Variants in UBE2E3 observed in about 807,000 individuals in gnomAD.
The protein encoded by UBE2E3 is ubiquitin conjugating enzyme E2 E3.
A neutral mutation model predicts 23.6 loss-of-function variants in UBE2E3; 5 were observed. The observed-to-expected ratio is 0.21, with a 90% CI of 0.11 to 0.44. The LOEUF is 0.44. Ranked by LOEUF, UBE2E3 falls within the 20% of genes least tolerant of loss-of-function variation. The probability of loss-of-function intolerance (pLI) is 0.99; values close to 1 mark genes in which losing one functional copy is unlikely to be tolerated. For missense variants in UBE2E3, 81 were observed against 249.8 expected (o/e 0.32, Z 4.55); for synonymous variants, 78 against 87.5 (o/e 0.89, Z 0.60).
intron 3 of UBE2E3, among the ~76,000 whole-genome samples, chr2:180,986,452 T>G (rs1684473181): frequency 6.6e-6 from 1 of 152,104 alleles, no homozygotes. Context: ...TTTTAGAACT[T>G]TGACAAATAA....
intron 3 of UBE2E3, among the ~76,000 whole-genome samples, chr2:180,996,004 G>T (rs1354180225): frequency 1.3e-5 from 2 of 151,824 alleles, no homozygotes; most frequent in Non-Finnish European, 2.9e-5. Flanking sequence ...TAATGAGTTG[G>T]TGTCCTAGTA....
At chr2:181,034,469 T>C (rs1197869854) in intron 3 of UBE2E3, among the ~76,000 whole-genome samples, 2 of 152,090 alleles carry the variant, frequency 1.3e-5, no homozygotes, top group East Asian at 1.9e-4. Context: ...TAGGTGGGAA[T>C]TGAACAATGA....
intron 3 of UBE2E3, among the ~76,000 whole-genome samples, chr2:181,039,804 A>C (rs1303876363): frequency 6.6e-6 from 1 of 152,196 alleles, no homozygotes; most frequent in Non-Finnish European, 1.5e-5. Flanking sequence ...CAGATACCAA[A>C]ATTCTCAAAA....
intron 3 of UBE2E3, chr2:180,990,030 T>TC (rs1248938740): frequency 1.9e-5 from 28 of 1,476,080 alleles, no homozygotes; most frequent in Non-Finnish European, 2.5e-5. Flanking sequence ...GATTTTTTTT[T>TC]CCACATACCA....
chr2:181,026,613 G>C (rs1685894110), intron 3 of UBE2E3, among the ~76,000 whole-genome samples: 1 of 151,526 alleles, frequency 6.6e-6, no homozygotes, highest in Middle Eastern at 3.2e-3. Context: ...GGATTATCTG[G>C]AGATTAGTTA....
At chr2:180,988,479 AT>A (rs1395784197) in intron 3 of UBE2E3, among the ~76,000 whole-genome samples, 2 of 152,210 alleles carry the variant, frequency 1.3e-5, no homozygotes, top group Admixed American at 1.3e-4. Flanking sequence ...AGAGAATATT[AT>A]GATTGTCCAG....
intron 3 of UBE2E3, among the ~76,000 whole-genome samples, chr2:181,043,928 A>G (rs907688707): frequency 6.6e-6 from 1 of 152,128 alleles, no homozygotes; most frequent in African/African-American, 2.4e-5. Context: ...TTCGTTGGAC[A>G]TTTAAGTTAT....
At chr2:180,984,303 T>G (rs1212123330) in intron 3 of UBE2E3, among the ~76,000 whole-genome samples, 2 of 152,216 alleles carry the variant, frequency 1.3e-5, no homozygotes, top group African/African-American at 2.4e-5. Flanking sequence ...GATTTATGAA[T>G]ATACTGATTT....
intron 3 of UBE2E3, among the ~76,000 whole-genome samples, chr2:181,037,696 C>G (rs1686343988): frequency 6.6e-6 from 1 of 152,076 alleles, no homozygotes; most frequent in Non-Finnish European, 1.5e-5. Flanking sequence ...AAAGTTACAG[C>G]CAGGCTCACA....
chr2:180,983,980 A>C, intron 2 of UBE2E3, 63 bp from the exon 3 acceptor site: 1 of 1,394,404 alleles, frequency 7.2e-7, no homozygotes, highest in Non-Finnish European at 1.0e-6. Flanking sequence ...AGGGCAGTGT[A>C]ATTCCCTGGT....
In UBE2E3 at chr2:181,060,263, T is replaced by TA. The variant is rs920922885; in HGVS notation, c.379-393dup. ...AGAAACTGATGTAACTTTTATGTTT[T>TA]AAAAAAAAATCTTCATCAGTTCCTC... On this transcript the variant is annotated intron_variant, in intron 4 of 5. Transcript: ENST00000410062. Among the ~76,000 whole-genome samples the TA allele has an allele frequency of 6.0e-5, 9 of 150,960 alleles. No homozygotes were observed. In the East Asian group the frequency reaches 7.8e-4, roughly 13 times the overall value.
chr2:181,024,624 CTATT>C (rs1685820322), intron 3 of UBE2E3, among the ~76,000 whole-genome samples: 1 of 152,012 alleles, frequency 6.6e-6, no homozygotes, highest in Non-Finnish European at 1.5e-5. Context: ...TTACAGTAAT[CTATT>C]TTTCTCTTAA....
chr2:181,021,378 CT>C (rs58518324), intron 3 of UBE2E3, among the ~76,000 whole-genome samples: 39,424 of 148,010 alleles, frequency 0.27, 5,379 homozygotes, highest in East Asian at 0.29. Flanking sequence ...GTTTTCTTTT[CT>C]TTTTTTCCTC....
At chr2:181,021,585 T>TTCCTTCCTCCCTCCCTCCCA in intron 3 of UBE2E3, among the ~76,000 whole-genome samples, 1 of 117,178 alleles carries the variant, frequency 8.5e-6, no homozygotes, top group Non-Finnish European at 1.7e-5. Context: ...CCTCCCTCCC[T>TTCCTTCCTCCCTCCCTCCCA]TCCTTCCTCC....
At chr2:181,040,236 C>A (rs1264491297) in intron 3 of UBE2E3, among the ~76,000 whole-genome samples, 2 of 152,070 alleles carry the variant, frequency 1.3e-5, no homozygotes, top group Non-Finnish European at 2.9e-5. Flanking sequence ...TCTGATATAC[C>A]CAGTTAAGCA....
At chr2:180,999,905 CAAAT>C (rs747208444) in intron 3 of UBE2E3, among the ~76,000 whole-genome samples, 4 of 149,946 alleles carry the variant, frequency 2.7e-5, no homozygotes, top group Admixed American at 6.6e-5. Flanking sequence ...GTTATATGGA[CAAAT>C]AAACAGGCAT....
At chr2:181,058,726 GTA>G (rs34753614) in intron 4 of UBE2E3, among the ~76,000 whole-genome samples, 58,410 of 151,370 alleles carry the variant, frequency 0.39, 11,937 homozygotes, top group East Asian at 0.57. Flanking sequence ...TAGCCTGTGT[GTA>G]TATGTATATG....
chr2:181,055,804 G>T (rs867388327), intron 3 of UBE2E3, among the ~76,000 whole-genome samples: 1 of 151,634 alleles, frequency 6.6e-6, no homozygotes, highest in Non-Finnish European at 1.5e-5. Context: ...CTATCAACTG[G>T]CAGTAAAATA....
At chr2:181,049,227 A>G (rs1228267142) in intron 3 of UBE2E3, among the ~76,000 whole-genome samples, 1 of 152,130 alleles carries the variant, frequency 6.6e-6, no homozygotes, top group Non-Finnish European at 1.5e-5. Flanking sequence ...GTGAATATAA[A>G]AAACAAGGGA....
Sources: gnomAD v4.1 joint callset for allele counts (sites outside exome capture counted in the v4.1 genomes callset) on GRCh38, gnomAD v4.1.1 for gene constraint, MANE v1.5 for transcripts, NCBI Gene and HGNC (gene_info 2026-07-23, HGNC 2026-07-21) for gene names.